Variants in LAMA1 observed in about 807,000 individuals in gnomAD.
LAMA1 encodes the protein laminin subunit alpha 1.
In LAMA1, 219 loss-of-function variants were observed where a neutral mutation model predicts 348.7. That is an observed-to-expected ratio of 0.63 (90% CI 0.56 to 0.70). The LOEUF is 0.70. Among genes scored for constraint, LAMA1 ranks in the 30% least tolerant of loss-of-function variants. LAMA1 has a pLI of 0.00. For synonymous variants in LAMA1, 1,487 were observed against 1,491.0 expected (o/e 1.00, Z 0.06); for missense variants, 3,744 against 3,888.0 (o/e 0.96, Z 0.99).
intron 4 of LAMA1, 120 bp downstream of exon 4, chr18:7,050,574 T>A: frequency 1.4e-6 from 2 of 1,452,318 alleles, no homozygotes; most frequent in Admixed American, 1.7e-5. Flanking sequence ...TCAAGGCCAC[T>A]TTAAATAGAG....
intron 1 of LAMA1, 53 bp downstream of exon 1, chr18:7,117,607 C>G: frequency 3.2e-6 from 5 of 1,564,724 alleles, no homozygotes; most frequent in Non-Finnish European, 4.3e-6. Flanking sequence ...CGCGGCCGCC[C>G]CCGCCCGCCC....
chr18:6,968,014 C>T (rs1487368522), intron 48 of LAMA1, among the ~76,000 whole-genome samples: 1 of 152,188 alleles, frequency 6.6e-6, no homozygotes, highest in Non-Finnish European at 1.5e-5. Flanking sequence ...GAACTTCTCC[C>T]AGAGCCCCTG....
chr18:7,015,628 A>G, intron 22 of LAMA1, 94 bp downstream of exon 22: 1 of 1,428,136 alleles, frequency 7.0e-7, no homozygotes, highest in South Asian at 1.2e-5. Context: ...TATTCAACAG[A>G]TTAAAGTCCA....
intron 3 of LAMA1, among the ~76,000 whole-genome samples, chr18:7,062,824 ACTT>A (rs760505896): frequency 5.9e-5 from 9 of 152,062 alleles, no homozygotes; most frequent in African/African-American, 1.9e-4. Flanking sequence ...TAAAAATTCA[ACTT>A]CTTTTCACCT....
intron 22 of LAMA1, among the ~76,000 whole-genome samples, chr18:7,014,874 T>C (rs2057879154): frequency 6.6e-6 from 1 of 151,974 alleles, no homozygotes; most frequent in Non-Finnish European, 1.5e-5. Context: ...TGAGACAGAG[T>C]CTTGCTCTGT....
At chr18:6,944,176 C>A (rs2143961263) in intron 61 of LAMA1, among the ~76,000 whole-genome samples, 1 of 152,180 alleles carries the variant, frequency 6.6e-6, no homozygotes, top group Middle Eastern at 3.4e-3. Flanking sequence ...CCACCATGCC[C>A]AGCTAATTTT....
intron 8 of LAMA1, chr18:7,042,708 C>CA (rs2058025681): frequency 4.7e-6 from 1 of 212,432 alleles, no homozygotes; most frequent in Non-Finnish European, 9.5e-6. Flanking sequence ...CATGGTGAAA[C>CA]CCTGTCTCTA....
intron 61 of LAMA1, among the ~76,000 whole-genome samples, chr18:6,944,628 C>T (rs377525969): frequency 6.6e-6 from 1 of 152,136 alleles, no homozygotes; most frequent in Non-Finnish European, 1.5e-5. Flanking sequence ...AGAGGGAAGA[C>T]CATGTGAGAA....
At chr18:7,106,066 T>C (rs192379227) in intron 1 of LAMA1, among the ~76,000 whole-genome samples, 26 of 152,242 alleles carry the variant, frequency 1.7e-4, no homozygotes, top group African/African-American at 4.3e-4. Context: ...CTGAGATGTG[T>C]GGGTGTTGTT....
At chr18:7,046,415 T>C (rs758356209) in intron 5 of LAMA1, 48 bp from the exon 6 acceptor site, 16 of 1,166,346 alleles carry the variant, frequency 1.4e-5, no homozygotes, top group Non-Finnish European at 1.9e-5. Context: ...TAGATTTCAG[T>C]GAAATGAAAA....
rs368652097 is a variant in LAMA1 at position 7,017,333 on chromosome 18, G to A, written c.2753C>T (p.Thr918Ile). ...GTTTGGTTTGCAGTCACAGAGCCCG[G>A]TCTCAAGATGGCACACGGCAGAATG... ...GSHSAVCHLE[T>I]GLCDCKPNVT... Residue 918 changes from threonine to isoleucine, a missense_variant, in exon 20 of 63, where the codon ACC (threonine) becomes ATC (isoleucine). Physicochemically the swap from Thr to Ile is moderately conservative, Grantham distance 89 (BLOSUM62 -1). This residue lies in a region of LAMA1 where 1,529 missense variants were observed against 1,689.4 expected (regional missense o/e 0.91). Transcript: ENST00000389658. 1 of 1,613,934 alleles carries A rather than the reference G, an allele frequency of 6.2e-7. No individual in the cohort carries two copies. The highest frequency in any genetic ancestry group is 8.5e-7 in the Non-Finnish European group (1 of 1,180,024).
Position 7,023,344 on chromosome 18 carries a change from C to T in LAMA1, c.2521G>A (p.Val841Met). Residue 841 changes from valine (V) to methionine (M), a missense_variant, in exon 19 of 63, where the codon GTG (valine) becomes ATG (methionine). Val to Met is a conservative substitution (Grantham distance 21, BLOSUM62 1). This residue lies in a region of LAMA1 where 1,529 missense variants were observed against 1,689.4 expected (regional missense o/e 0.91). Transcript: ENST00000389658. ...CADGYYGNPT[V>M]PGESCVPCDC... ...CAGGGAACACAAGATTCGCCAGGCACTGTTGGGTTTCCATAGTAACCATCT... is the reference window on the plus strand; with the variant it reads ...CAGGGAACACAAGATTCGCCAGGCATTGTTGGGTTTCCATAGTAACCATCT... 6.2e-7 allele frequency: 1 copy of T among 1,614,210 alleles called. No homozygotes were observed. The highest frequency in any genetic ancestry group is 8.5e-7 in the Non-Finnish European group (1 of 1,180,044).
At position 7,017,295 on chromosome 18, in the gene LAMA1, G is replaced by A. The variant is rs750222278; in HGVS notation, c.2791C>T (p.Gln931Ter). Residue 931 changes from glutamine to a stop codon, truncating the protein, a stop_gained, in exon 20 of 63, where the codon CAG becomes TAG. Coordinates refer to ENST00000389658, the MANE Select transcript of LAMA1 (RefSeq NM_005559.4). LOFTEE classifies it high-confidence loss of function. ...CATCTTACCAAGCACTGGTCACACT[G>A]CTGTCCAGTCACGTTTGGTTTGCAG... ...CDCKPNVTGQ[Q>*]CDQCLHGYYG... The A allele has an allele frequency of 6.2e-7, 1 of 1,613,108 alleles. No homozygotes were observed. The highest frequency in any genetic ancestry group is 8.5e-7 in the Non-Finnish European group (1 of 1,179,176).
chr18:6,949,479 A>G (rs1401968907), intron 58 of LAMA1, among the ~76,000 whole-genome samples: 1 of 152,234 alleles, frequency 6.6e-6, no homozygotes, highest in Non-Finnish European at 1.5e-5. Context: ...AAAAACTGTA[A>G]CAGTGAAAGA....
At chr18:7,011,802 T>A (rs1383300888) in intron 24 of LAMA1, among the ~76,000 whole-genome samples, 193 bp downstream of exon 24, 1 of 152,216 alleles carries the variant, frequency 6.6e-6, no homozygotes, top group Admixed American at 6.5e-5. Flanking sequence ...CAGCCTTTAG[T>A]TCAAGCTCCA....
At chr18:6,959,577 G>A in intron 53 of LAMA1, 85 bp from the exon 54 acceptor site, 1 of 1,421,036 alleles carries the variant, frequency 7.0e-7, no homozygotes, top group East Asian at 2.4e-5. Context: ...GATAACGTGA[G>A]AAGATTAACA....
chr18:7,080,438 G>A lies in LAMA1; in HGVS notation c.81C>T (p.Leu27=), dbSNP rs996649254. The A allele has an allele frequency of 3.1e-6, 5 of 1,614,120 alleles. No homozygotes were observed. In the South Asian group the frequency reaches 5.5e-5, roughly 18 times the overall value. ...TGATGTGAGCATTGCTGGCAAGATT[G>A]AGAATGGCAGGAAACAGGCCTGAAA... ...CRQRGLFPAI[L]NLASNAHIST... The change falls in exon 2 of 63, where the codon CTC becomes CTT. Residue 27 remains leucine (L), a synonymous_variant. Transcript: ENST00000389658.
At chr18:7,080,607 G>A (rs549098438) in intron 1 of LAMA1, 150 bp from the exon 2 acceptor site, 1 of 842,802 alleles carries the variant, frequency 1.2e-6, no homozygotes, top group Admixed American at 2.2e-5. Flanking sequence ...TACGCAGCAT[G>A]GTTTCATCTA....
chr18:7,078,665 A>T (rs1598308906), intron 3 of LAMA1, among the ~76,000 whole-genome samples: 2 of 152,240 alleles, frequency 1.3e-5, no homozygotes, highest in East Asian at 3.9e-4. Flanking sequence ...TTGTACATCA[A>T]TATATGAAGT....
Sources: allele counts gnomAD v4.1 joint callset (sites outside exome capture counted in the v4.1 genomes callset), GRCh38; gene constraint gnomAD v4.1.1; regional missense constraint gnomAD v4.1.1; transcripts MANE v1.5; gene names NCBI Gene and HGNC (gene_info 2026-07-23, HGNC 2026-07-21).